PSG7: variants seen among roughly 807,000 people sequenced by gnomAD.
PSG7 encodes the protein pregnancy-specific beta-1-glycoprotein 7.
Under a neutral mutation model 45.6 loss-of-function variants are expected in PSG7, and 57 were observed. The ratio of observed to expected loss-of-function variants is 1.25; its 90% confidence interval spans 1.01 to 1.56. The LOEUF (loss-of-function observed/expected upper bound fraction) is 1.56. Ranked by LOEUF, PSG7 falls within the 40% of genes most tolerant of loss-of-function variation. The probability of loss-of-function intolerance (pLI) is 0.00; values close to 1 mark genes in which losing one functional copy is unlikely to be tolerated. For synonymous variants in PSG7, 298 were observed against 194.4 expected, an observed-to-expected ratio of 1.53 and a Z score of -4.43; for missense variants, 796 against 508.4, an observed-to-expected ratio of 1.57 and a Z score of -5.44.
intron 5 of PSG7, chr19:42,925,070 G>T (rs1239169927): frequency 9.4e-6 from 5 of 530,580 alleles, no homozygotes; most frequent in East Asian, 3.0e-5. Context: ...AATTTTCTTT[G>T]CTGTAAGTTT....
chr19:42,937,045 T>G lies in PSG7; in HGVS notation c.32A>C (p.Gln11Pro). 2 of 1,611,678 alleles carry G rather than the reference T, an allele frequency of 1.2e-6. No homozygotes were observed. The highest frequency in any genetic ancestry group is 1.7e-6 in the Non-Finnish European group (2 of 1,178,622). Residue 11 changes from glutamine (Q) to proline (P), a missense_variant, in exon 1 of 6, where the codon CAG becomes CCG. Gln to Pro is a moderately conservative substitution (Grantham distance 76, BLOSUM62 -1). Coordinates refer to ENST00000406070, the MANE Select transcript of PSG7 (RefSeq NM_002783.3). Reference sequence around the variant, plus strand: ...CAGGAGCCCTTTCCAGGTTATATGCTGTGTGCAGGGAGGGGCTGAGAGGGG... The same window carrying G: ...CAGGAGCCCTTTCCAGGTTATATGCGGTGTGCAGGGAGGGGCTGAGAGGGG... MGPLSAPPCTQHITWKGLLLT... is the reference protein window; with the variant it reads MGPLSAPPCTPHITWKGLLLT...
At position 42,936,741 on chromosome 19, in the gene PSG7, G is replaced by A. The variant is rs560201905; in HGVS notation, c.64+272C>T. 3.3e-5 allele frequency among the ~76,000 whole-genome samples: 5 copies of A among 151,072 alleles called. 1 individual carries two copies. In the East Asian group the frequency reaches 7.8e-4, roughly 24 times the overall value. The stretch of plus-strand genomic sequence containing the variant: ...CGGCTAGCTGCAACTTCTGCCTCCC[G>A]GGTTCATGTGATTCTCCTGCCTCAG... On this transcript the variant is annotated intron_variant, in intron 1 of 5. Coordinates refer to ENST00000406070, the MANE Select transcript of PSG7 (RefSeq NM_002783.3).
At chr19:42,925,478 C>G (rs1972860728) in intron 5 of PSG7, 14 of 782,426 alleles carry the variant, frequency 1.8e-5, no homozygotes, top group Middle Eastern at 4.0e-4. Flanking sequence ...CATAAAGAAT[C>G]AGCATATTTT....
Position 42,926,065 on chromosome 19 carries a change from C to T in PSG7, c.989-38G>A, listed in dbSNP as rs369139496. ...GAATAAAGCCACAGGTGATGTTATC[C>T]GAGGGAAGGGGATGCTCCTGGTCTC... On this transcript the variant is annotated intron_variant, in intron 4 of 5. Transcript: ENST00000406070. The T allele has an allele frequency of 7.2e-5, 116 of 1,603,112 alleles. 3 individuals are homozygous for T. Among genetic ancestry groups the T allele is most frequent in the South Asian group, 1.8e-4 (16 of 89,282 alleles).
Position 42,926,858 on chromosome 19 carries a change from T to C in PSG7, c.710-142A>G, listed in dbSNP as rs1452375638. ...AATAGCTGGTGTGTGTGTCACAAGG[T>C]AGATGCATGATGATCTAAGGGCTCA... On this transcript the variant is annotated intron_variant, in intron 3 of 5. Transcript: ENST00000406070. 14 of 1,422,100 alleles carry C rather than the reference T, an allele frequency of 9.8e-6. 1 individual carries two copies. Among genetic ancestry groups the C allele is most frequent in the African/African-American group, 2.9e-5 (2 of 70,044 alleles). The allele number at this position is 1,422,100 out of a possible 1,614,324, so 88.1% of individuals were successfully genotyped here.
Position 42,924,423 on chromosome 19 carries a change from G to T in PSG7, c.*385C>A, listed in dbSNP as rs1331827180. On this transcript the variant is annotated 3_prime_UTR_variant, in exon 6 of 6. Transcript: ENST00000406070. Reference sequence around the variant, plus strand: ...GTTGAGATGACATATCTGACACTCTGTTGTTACCCTCAGAAGCTCCTATAC... The same window carrying T: ...GTTGAGATGACATATCTGACACTCTTTTGTTACCCTCAGAAGCTCCTATAC... The T allele has an allele frequency of 2.1e-6, 1 of 479,976 alleles. No homozygotes were observed. Among genetic ancestry groups the T allele is most frequent in the Admixed American group, 3.6e-5 (1 of 27,676 alleles). 29.7% of individuals were successfully genotyped at this position (479,976 alleles called of 1,614,324 possible).
chr19:42,929,332 C>A, intron 3 of PSG7, 110 bp downstream of exon 3: 1 of 1,593,788 alleles, frequency 6.3e-7, no homozygotes, highest in East Asian at 2.2e-5. Context: ...CTTTGATGTC[C>A]AGGGGTAAAG....
intron 2 of PSG7, among the ~76,000 whole-genome samples, chr19:42,934,806 A>T (rs936307349): frequency 2.6e-5 from 4 of 151,386 alleles, no homozygotes; most frequent in African/African-American, 9.7e-5. Flanking sequence ...TGTCCTCTCC[A>T]CTCTGAGTGT....
intron 2 of PSG7, 21 bp downstream of exon 2, chr19:42,935,383 G>T (rs782711716): frequency 1.8e-5 from 29 of 1,610,772 alleles, no homozygotes; most frequent in Non-Finnish European, 2.4e-5. Flanking sequence ...CAACACCCAG[G>T]GACCATGTGG....
intron 5 of PSG7, 165 bp downstream of exon 5, chr19:42,925,608 T>A: frequency 6.8e-7 from 1 of 1,471,892 alleles, no homozygotes; most frequent in South Asian, 1.4e-5. Flanking sequence ...TTGTTAAAGT[T>A]TTCGAAGTTC....
At chr19:42,930,125 C>G (rs577193047) in intron 2 of PSG7, among the ~76,000 whole-genome samples, 1 of 151,780 alleles carries the variant, frequency 6.6e-6, no homozygotes, top group South Asian at 2.1e-4. Context: ...TATGTTTTCT[C>G]TTCAGCTTCC....
At chr19:42,933,303 ATATATT>A (rs1192469808) in intron 2 of PSG7, among the ~76,000 whole-genome samples, 4 of 14,842 alleles carry the variant, frequency 2.7e-4, no homozygotes, top group South Asian at 4.8e-3. Flanking sequence ...ATATATATAT[ATATATT>A]TTTTTTTTTT....
chr19:42,925,246 G>C (rs1344102338), intron 5 of PSG7: 1 of 301,070 alleles, frequency 3.3e-6, no homozygotes, highest in African/African-American at 2.2e-5. Flanking sequence ...GATTTGAAAT[G>C]TGTCCTGTTA....
Position 42,933,289 on chromosome 19 carries a change from ATATATATATATATATATAT to A in PSG7, c.430+2096_430+2114del, listed in dbSNP as rs1158448977. The stretch of plus-strand genomic sequence containing the variant: ...TCAATATATATATATATATATATAT[ATATATATATATATATATAT>A]TTTTTTTTTTTTTTGGTGTATGTAT... On this transcript the variant is annotated intron_variant, in intron 2 of 5. Coordinates refer to ENST00000406070, the MANE Select transcript of PSG7 (RefSeq NM_002783.3). Among the ~76,000 whole-genome samples, 18 of 8,916 alleles carry A rather than the reference ATATATATATATATATATAT, an allele frequency of 2.0e-3. 2 individuals are homozygous for A. The highest frequency in any genetic ancestry group is 2.5e-3 in the Non-Finnish European group (10 of 3,956). 5.8% of individuals were successfully genotyped at this position (8,916 alleles called of 152,430 possible). A position where few individuals can be genotyped will look rare whatever the true frequency, so the allele number is the denominator to read the frequency against.
rs1972487009 is a variant in PSG7, at chr19:42,924,652, G to T, written c.*156C>A. On this transcript the variant is annotated 3_prime_UTR_variant, in exon 6 of 6. Coordinates refer to ENST00000406070, the MANE Select transcript of PSG7 (RefSeq NM_002783.3). ...CTGTTGTTATGGTGTTGAACATTTT[G>T]GTGAGTTCTGAGTGGCTCAGACATC... 5.5e-6 allele frequency: 4 copies of T among 721,450 alleles called. No homozygotes were observed. The highest frequency in any genetic ancestry group is 1.0e-5 in the Non-Finnish European group (4 of 398,624). 44.7% of individuals were successfully genotyped at this position (721,450 alleles called of 1,614,324 possible).
At chr19:42,931,024 A>T (rs1325016725) in intron 2 of PSG7, among the ~76,000 whole-genome samples, 2 of 151,616 alleles carry the variant, frequency 1.3e-5, no homozygotes, top group African/African-American at 4.9e-5. Flanking sequence ...TTTTAGCATC[A>T]CATCAGTGGT....
chr19:42,924,838 T>C lies in PSG7; in HGVS notation c.1244-14A>G, dbSNP rs761164088. The C allele has an allele frequency of 1.8e-5, 14 of 762,216 alleles. No homozygotes were observed. The highest frequency in any genetic ancestry group is 3.4e-5 in the Non-Finnish European group (14 of 416,478). 47.2% of individuals were successfully genotyped at this position (762,216 alleles called of 1,614,324 possible). A position where few individuals can be genotyped will look rare whatever the true frequency, so the allele number is the denominator to read the frequency against. ...GTAATGTCCAGTCTACAGTGGATAATAAAAACACAGAAACAATGAACAGAG... is the reference window on the plus strand; with the variant it reads ...GTAATGTCCAGTCTACAGTGGATAACAAAAACACAGAAACAATGAACAGAG... On this transcript the variant is annotated splice_polypyrimidine_tract_variant and intron_variant, in intron 5 of 5. Transcript: ENST00000406070.
Position 42,926,693 on chromosome 19 carries a change from T to A in PSG7, c.733A>T (p.Thr245Ser), listed in dbSNP as rs1304682274. ...LLPKLPKPYI[T>S]INNLNPRENK... The stretch of plus-strand genomic sequence containing the variant: ...TCCCTGGGGTTTAAGTTATTGATGG[T>A]GATGTAGGGCTTGGGCAGCTTCGCT... Residue 245 changes from threonine (T) to serine (S), a missense_variant, in exon 4 of 6, where the codon ACC (threonine) becomes TCC (serine). By Grantham distance (58) the Thr-to-Ser change is moderately conservative. Transcript: ENST00000406070. 4 of 1,610,230 alleles carry A rather than the reference T, an allele frequency of 2.5e-6. No individual in the cohort carries two copies. In the African/African-American group the frequency reaches 5.4e-5, roughly 22 times the overall value.
chr19:42,933,407 G>T (rs1426908479), intron 2 of PSG7, among the ~76,000 whole-genome samples: 4 of 143,528 alleles, frequency 2.8e-5, no homozygotes, highest in East Asian at 2.1e-4. Context: ...CCTGTCCCAT[G>T]GTCTTGTCCA....
Sources: gnomAD v4.1 joint callset for allele counts (sites outside exome capture counted in the v4.1 genomes callset) on GRCh38, gnomAD v4.1.1 for gene constraint, MANE v1.5 for transcripts, NCBI Gene and HGNC (gene_info 2026-07-23, HGNC 2026-07-21) for gene names.